Variants in HS6ST2 observed in about 807,000 individuals in gnomAD.
HS6ST2 encodes the protein heparan-sulfate 6-O-sulfotransferase 2.
Under a neutral mutation model 33.0 loss-of-function variants are expected in HS6ST2, and 17 were observed. That is an observed-to-expected ratio of 0.52 (90% confidence interval 0.35 to 0.77). The LOEUF (loss-of-function observed/expected upper bound fraction) is 0.77. HS6ST2 is among the 30% of genes least tolerant of loss of function. The probability of loss-of-function intolerance (pLI) is 0.01; values close to 1 mark genes in which losing one functional copy is unlikely to be tolerated. For missense variants in HS6ST2, 519 were observed against 551.7 expected (o/e 0.94, Z 0.59); for synonymous variants, 248 against 237.1 (o/e 1.05, Z -0.42).
intron 2 of HS6ST2, among the ~76,000 whole-genome samples, chrX:132,745,886 T>G (rs760631709): frequency 1.8e-5 from 2 of 112,200 alleles, no homozygotes; most frequent in Non-Finnish European, 3.8e-5. Context: ...TTATTAACTC[T>G]GGTATCAGTT....
At position 132,958,495 on chromosome X, in the gene HS6ST2, G is replaced by C. The variant is rs759169273; in HGVS notation, c.108C>G (p.Ala36=). The C allele has an allele frequency of 4.2e-6, 5 of 1,195,060 alleles. No individual in the cohort carries two copies. Among genetic ancestry groups the C allele is most frequent in the Non-Finnish European group, 4.5e-6 (4 of 888,935 alleles). The change falls in exon 1 of 5, where the codon GCC becomes GCG. Residue 36 remains alanine, a synonymous_variant. Transcript: ENST00000370833. ...TCPRRHSRVE[A]ELAASRPGSV... ...ACCCGGGCCGGCTCGCTGCCAATTC[G>C]GCCTCTACTCTGGAATGCCGGCGGG...
chrX:132,868,694 G>A (rs1309350983), intron 2 of HS6ST2, among the ~76,000 whole-genome samples: 2 of 111,640 alleles, frequency 1.8e-5, no homozygotes, highest in African/African-American at 3.3e-5. Flanking sequence ...AGTAAATAAC[G>A]AAATTAAGGC....
At chrX:132,807,908 G>C (rs1029730355) in intron 2 of HS6ST2, among the ~76,000 whole-genome samples, 1 of 111,931 alleles carries the variant, frequency 8.9e-6, no homozygotes, top group African/African-American at 3.2e-5. Context: ...AGCAGCAGTG[G>C]TTGGCCATTA....
At chrX:132,777,821 G>A (rs143214657) in intron 2 of HS6ST2, among the ~76,000 whole-genome samples, 4,175 of 111,142 alleles carry the variant, frequency 0.038, 66 homozygotes, top group Non-Finnish European at 0.059. Context: ...TTATGAGATG[G>A]ATAGCCCTTA....
At chrX:132,741,129 AC>A (rs1282175488) in intron 2 of HS6ST2, among the ~76,000 whole-genome samples, 16 of 111,306 alleles carry the variant, frequency 1.4e-4, no homozygotes, top group Non-Finnish European at 2.8e-4. Flanking sequence ...CACTATGGGA[AC>A]CCTGAATTGC....
At chrX:132,839,700 T>TA (rs1418151899) in intron 2 of HS6ST2, among the ~76,000 whole-genome samples, 4 of 109,714 alleles carry the variant, frequency 3.6e-5, no homozygotes, top group Non-Finnish European at 7.6e-5. Context: ...TTTATACACA[T>TA]AAAAAAAAGT....
chrX:132,932,973 A>G (rs970098624), intron 2 of HS6ST2, among the ~76,000 whole-genome samples: 6 of 107,101 alleles, frequency 5.6e-5, no homozygotes, highest in African/African-American at 1.7e-4. Flanking sequence ...TATAATATAG[A>G]CATTATAAAA....
intron 2 of HS6ST2, among the ~76,000 whole-genome samples, chrX:132,887,839 G>A (rs780734357): frequency 3.9e-4 from 44 of 112,329 alleles, no homozygotes; most frequent in Non-Finnish European, 6.9e-4. Context: ...ATAAAGTACT[G>A]ATACATGATG....
intron 2 of HS6ST2, among the ~76,000 whole-genome samples, chrX:132,898,804 C>T (rs1202175281): frequency 2.7e-5 from 3 of 111,175 alleles, no homozygotes; most frequent in Non-Finnish European, 5.7e-5. Context: ...AAGAGAGCTA[C>T]ATAGGAGAGA....
chrX:132,650,622 T>C (rs2063682573), intron 4 of HS6ST2, among the ~76,000 whole-genome samples: 1 of 110,658 alleles, frequency 9.0e-6, no homozygotes, highest in African/African-American at 3.3e-5. Context: ...TGGCCTCTTT[T>C]TCTTTCCTTA....
At chrX:132,896,580 T>C (rs1345480822) in intron 2 of HS6ST2, among the ~76,000 whole-genome samples, 2 of 111,497 alleles carry the variant, frequency 1.8e-5, no homozygotes, top group African/African-American at 3.3e-5. Context: ...AAGAGTGTAA[T>C]TGGATTGTTT....
At chrX:132,800,196 T>G (rs981262427) in intron 2 of HS6ST2, among the ~76,000 whole-genome samples, 4 of 111,541 alleles carry the variant, frequency 3.6e-5, no homozygotes, top group African/African-American at 6.5e-5. Flanking sequence ...CTGTTCTGCC[T>G]CCAGTCAGAT....
chrX:132,854,903 G>A (rs1480509820), intron 2 of HS6ST2, among the ~76,000 whole-genome samples: 1 of 112,144 alleles, frequency 8.9e-6, no homozygotes, highest in Non-Finnish European at 1.9e-5. Context: ...ACTCCTGGCA[G>A]CCAAGAAGTG....
chrX:132,760,589 C>T (rs955474471), intron 2 of HS6ST2, among the ~76,000 whole-genome samples: 3 of 111,674 alleles, frequency 2.7e-5, no homozygotes, highest in Non-Finnish European at 5.6e-5. Context: ...AGTGTGAGAA[C>T]GGACTGCATC....
At chrX:132,668,680 G>A (rs917917642) in intron 4 of HS6ST2, among the ~76,000 whole-genome samples, 1 of 111,728 alleles carries the variant, frequency 9.0e-6, no homozygotes, top group Admixed American at 9.5e-5. Flanking sequence ...GAAATTTATG[G>A]AAAAGCTTAC....
chrX:132,699,657 T>C (rs1051022620), intron 3 of HS6ST2, among the ~76,000 whole-genome samples: 2 of 111,885 alleles, frequency 1.8e-5, no homozygotes, highest in Non-Finnish European at 3.8e-5. Flanking sequence ...TAGGAGGTTT[T>C]CCAGCAAAAG....
intron 3 of HS6ST2, among the ~76,000 whole-genome samples, chrX:132,682,468 G>A (rs997653067): frequency 2.7e-5 from 3 of 111,481 alleles, no homozygotes; most frequent in African/African-American, 9.8e-5. Context: ...ATTTATCTCA[G>A]GGAATCCCAG....
At chrX:132,773,870 G>A (rs2064930965) in intron 2 of HS6ST2, among the ~76,000 whole-genome samples, 1 of 111,779 alleles carries the variant, frequency 8.9e-6, no homozygotes, top group African/African-American at 3.2e-5. Flanking sequence ...GATTTCCTAT[G>A]GAGGTGTGAA....
intron 3 of HS6ST2, among the ~76,000 whole-genome samples, chrX:132,697,260 T>G (rs1166271388): frequency 8.9e-6 from 1 of 111,931 alleles, no homozygotes; most frequent in Non-Finnish European, 1.9e-5. Context: ...AAGACAGGGC[T>G]ACATTAATCC....
Sources: allele counts gnomAD v4.1 joint callset (sites outside exome capture counted in the v4.1 genomes callset), GRCh38; gene constraint gnomAD v4.1.1; transcripts MANE v1.5; gene names NCBI Gene and HGNC (gene_info 2026-07-23, HGNC 2026-07-21).